Variants in STK32B observed in about 807,000 individuals in gnomAD.
The protein encoded by STK32B is serine/threonine kinase 32B, also known as serine/threonine-protein kinase 32B.
In STK32B, 43 loss-of-function variants were observed where a neutral mutation model predicts 52.6. The observed-to-expected ratio is 0.82, with a 90% confidence interval of 0.64 to 1.05. The LOEUF is 1.05. Ranked by LOEUF, STK32B falls within the 50% of genes least tolerant of loss-of-function variation. The pLI is 0.00. For missense variants in STK32B, 621 were observed against 534.6 expected (o/e 1.16, Z -1.59); for synonymous variants, 238 against 204.3 (o/e 1.17, Z -1.41).
At chr4:5,215,281 C>T (rs1431206238) in intron 3 of STK32B, among the ~76,000 whole-genome samples, 1 of 152,178 alleles carries the variant, frequency 6.6e-6, no homozygotes, top group African/African-American at 2.4e-5. Context: ...CAATTCTCAA[C>T]AGTTAGTTGA....
chr4:5,249,345 G>C (rs763971597), intron 3 of STK32B, among the ~76,000 whole-genome samples: 33 of 152,282 alleles, frequency 2.2e-4, no homozygotes, highest in Non-Finnish European at 3.7e-4. Flanking sequence ...TCAAAGTTGA[G>C]TGTTAAAAAT....
chr4:5,115,934 G>T (rs370226902), intron 1 of STK32B, among the ~76,000 whole-genome samples: 99 of 152,034 alleles, frequency 6.5e-4, no homozygotes, highest in African/African-American at 2.4e-3. Context: ...GTAAAATTGG[G>T]CATAATCAAA....
intron 11 of STK32B, among the ~76,000 whole-genome samples, chr4:5,495,596 C>T (rs1720161792): frequency 6.6e-6 from 1 of 152,232 alleles, no homozygotes; most frequent in Non-Finnish European, 1.5e-5. Flanking sequence ...ATTCTCCCTC[C>T]AGCTTTGTTC....
At chr4:5,181,127 C>T (rs1279943356) in intron 3 of STK32B, among the ~76,000 whole-genome samples, 2 of 152,128 alleles carry the variant, frequency 1.3e-5, no homozygotes, top group East Asian at 3.9e-4. Context: ...CCTAGCTCTG[C>T]CTCTAGCTGG....
intron 3 of STK32B, among the ~76,000 whole-genome samples, chr4:5,229,447 G>T (rs1299762444): frequency 2.6e-5 from 4 of 152,120 alleles, no homozygotes; most frequent in Non-Finnish European, 2.9e-5. Context: ...GATGCTGGAG[G>T]AAAGAAAATA....
chr4:5,097,297 A>G (rs1319132677), intron 1 of STK32B, among the ~76,000 whole-genome samples: 2 of 152,218 alleles, frequency 1.3e-5, no homozygotes, highest in Non-Finnish European at 2.9e-5. Flanking sequence ...CTTTAAATGC[A>G]TATACCTTGA....
chr4:5,139,799 C>G, intron 1 of STK32B, 106 bp from the exon 2 acceptor site: 1 of 1,326,246 alleles, frequency 7.5e-7, no homozygotes, highest in Non-Finnish European at 1.1e-6. Context: ...TGCACCTGAC[C>G]CAAGAGCCTT....
chr4:5,468,333 G>A (rs1452721627), intron 11 of STK32B, among the ~76,000 whole-genome samples: 3 of 152,158 alleles, frequency 2.0e-5, no homozygotes, highest in African/African-American at 4.8e-5. Flanking sequence ...AGCCCTGAGC[G>A]GGCACACAGG....
At chr4:5,024,375 T>A in the STK32B span, among the ~76,000 whole-genome samples, 1 of 152,190 alleles carries the variant, frequency 6.6e-6, no homozygotes, top group Admixed American at 6.5e-5. Flanking sequence ...GTGATTCCAG[T>A]TTGCACTTCC....
chr4:5,472,089 G>A (rs953623848), intron 11 of STK32B, among the ~76,000 whole-genome samples: 7 of 152,188 alleles, frequency 4.6e-5, no homozygotes, highest in African/African-American at 7.2e-5. Context: ...CAGCAAGTAG[G>A]AGCTGAGAGG....
intron 4 of STK32B, among the ~76,000 whole-genome samples, chr4:5,336,552 A>C (rs760860622): frequency 1.3e-5 from 2 of 151,772 alleles, no homozygotes; most frequent in Non-Finnish European, 2.9e-5. Flanking sequence ...GAAACAAGAA[A>C]TAGCATTTTT....
intron 2 of STK32B, 150 bp downstream of exon 2, chr4:5,140,110 T>C (rs1402233706): frequency 2.1e-6 from 3 of 1,419,292 alleles, no homozygotes; most frequent in South Asian, 1.2e-5. Context: ...CTGAATAGTT[T>C]CCTTGCGATC....
chr4:5,450,467 C>T (rs1443540100), intron 7 of STK32B, among the ~76,000 whole-genome samples: 2 of 152,154 alleles, frequency 1.3e-5, no homozygotes, highest in Admixed American at 6.5e-5. Flanking sequence ...GTTGTACCTC[C>T]AGAAAGAATC....
At chr4:5,232,850 A>G (rs980968833) in intron 3 of STK32B, among the ~76,000 whole-genome samples, 2 of 152,036 alleles carry the variant, frequency 1.3e-5, no homozygotes, top group African/African-American at 4.8e-5. Context: ...TCTGTTTGGG[A>G]CAGGCCAGTG....
At chr4:5,457,405 C>T (rs547718717) in intron 8 of STK32B, among the ~76,000 whole-genome samples, 8 of 150,626 alleles carry the variant, frequency 5.3e-5, no homozygotes, top group East Asian at 4.1e-4. Context: ...TTAGTAGAGA[C>T]GGGGTTTCAC....
chr4:5,232,749 G>C (rs566942773), intron 3 of STK32B, among the ~76,000 whole-genome samples: 1 of 152,264 alleles, frequency 6.6e-6, no homozygotes, highest in South Asian at 2.1e-4. Context: ...TCTGGGTGCT[G>C]GACAGCTCTC....
intron 11 of STK32B, among the ~76,000 whole-genome samples, chr4:5,489,493 T>G (rs1719513400): frequency 6.6e-6 from 1 of 152,108 alleles, no homozygotes; most frequent in Admixed American, 6.6e-5. Context: ...CCTTATGATC[T>G]GAAAACATAG....
chr4:5,481,114 G>T (rs184195954), intron 11 of STK32B, among the ~76,000 whole-genome samples: 33 of 152,182 alleles, frequency 2.2e-4, no homozygotes, highest in African/African-American at 7.7e-4. Flanking sequence ...GGAATTGCTG[G>T]GTCAAATGTT....
chr4:5,062,989 C>A (rs555158742), intron 1 of STK32B, among the ~76,000 whole-genome samples: 57 of 152,146 alleles, frequency 3.7e-4, no homozygotes, highest in African/African-American at 1.3e-3. Context: ...TTTATTTTTT[C>A]TTCGGACACT....
Sources: gnomAD v4.1 joint callset for allele counts (sites outside exome capture counted in the v4.1 genomes callset) on GRCh38, gnomAD v4.1.1 for gene constraint, MANE v1.5 for transcripts, NCBI Gene and HGNC (gene_info 2026-07-23, HGNC 2026-07-21) for gene names.